Variants in SFRP1 observed in about 807,000 individuals in gnomAD.
The protein encoded by SFRP1 is secreted frizzled related protein 1.
A neutral mutation model predicts 25.9 loss-of-function variants in SFRP1; 9 were observed. That is an observed-to-expected ratio of 0.35 (90% CI 0.21 to 0.61). SFRP1 has a LOEUF of 0.61. SFRP1 is among the 20% of genes least tolerant of loss of function. The pLI, the probability that SFRP1 is intolerant of heterozygous loss-of-function variation, is 0.78. For synonymous variants in SFRP1, 178 were observed against 174.0 expected (o/e 1.02, Z -0.18); for missense variants, 346 against 418.2 (o/e 0.83, Z 1.51).
chr8:41,297,595 A>C (rs1490991363), intron 2 of SFRP1, among the ~76,000 whole-genome samples: 1 of 152,168 alleles, frequency 6.6e-6, no homozygotes, highest in Non-Finnish European at 1.5e-5. Context: ...AACTGTCCAC[A>C]CTTGATTAAA....
intron 2 of SFRP1, among the ~76,000 whole-genome samples, chr8:41,281,172 C>T (rs756401255): frequency 6.6e-6 from 1 of 152,204 alleles, no homozygotes; most frequent in Non-Finnish European, 1.5e-5. Context: ...CCTTCCACTC[C>T]GTGCAGGGAG....
chr8:41,271,544 G>T, intron 2 of SFRP1: 1 of 178,544 alleles, frequency 5.6e-6, no homozygotes, highest in African/African-American at 2.3e-5. Flanking sequence ...GTATGCAGAG[G>T]AGGTAGGCTT....
At chr8:41,295,890 A>G (rs1350916656) in intron 2 of SFRP1, among the ~76,000 whole-genome samples, 1 of 152,190 alleles carries the variant, frequency 6.6e-6, no homozygotes, top group Non-Finnish European at 1.5e-5. Context: ...TCTATTTTCA[A>G]AGAAACCTAA....
At chr8:41,266,332 A>G (rs935963837) in intron 2 of SFRP1, among the ~76,000 whole-genome samples, 1 of 152,170 alleles carries the variant, frequency 6.6e-6, no homozygotes, top group Non-Finnish European at 1.5e-5. Context: ...GTTATCATGC[A>G]CTGCTTTAAG....
intron 2 of SFRP1, among the ~76,000 whole-genome samples, chr8:41,295,697 C>T (rs1803835803): frequency 6.6e-6 from 1 of 152,160 alleles, no homozygotes; most frequent in African/African-American, 2.4e-5. Flanking sequence ...GGGTCTCTCA[C>T]AGCCACCCAC....
At chr8:41,298,392 G>A (rs1563366153) in intron 2 of SFRP1, 1 of 147,580 alleles carries the variant, frequency 6.8e-6, no homozygotes, top group Non-Finnish European at 1.5e-5. Flanking sequence ...AGTGTTTCAG[G>A]TGGTAGATAT....
intron 1 of SFRP1, chr8:41,306,592 G>T: frequency 1.8e-6 from 2 of 1,090,488 alleles, no homozygotes; most frequent in Non-Finnish European, 2.6e-6. Flanking sequence ...GGAGGGTGGT[G>T]TGCCATCTCA....
chr8:41,298,604 C>G (rs1469477273), intron 2 of SFRP1, among the ~76,000 whole-genome samples: 2 of 152,106 alleles, frequency 1.3e-5, no homozygotes, highest in African/African-American at 4.8e-5. Context: ...TGGGGTTTCA[C>G]TATGTTGCCT....
In SFRP1 at chr8:41,289,128, A is replaced by G. The variant is rs74763968; in HGVS notation, c.622+14333T>C. The stretch of plus-strand genomic sequence containing the variant: ...ACATAGCGACTTCTCTTCCCCATGC[A>G]CCCAAGGTGAAGGCCAGTGTTCCCA... On this transcript the variant is annotated intron_variant, in intron 2 of 2. Coordinates refer to ENST00000220772, the MANE Select transcript of SFRP1 (RefSeq NM_003012.5). 9.9e-4 allele frequency among the ~76,000 whole-genome samples: 150 copies of G among 152,236 alleles called. 3 individuals are homozygous for G. The East Asian group carries it at 0.028, about 28-fold the overall frequency.
rs186063821 is a variant in SFRP1 at position 41,295,159 on chromosome 8, A to G, written c.622+8302T>C. 8.9e-3 allele frequency among the ~76,000 whole-genome samples: 1,358 copies of G among 152,226 alleles called. 14 individuals carry two copies. The highest frequency in any genetic ancestry group is 0.021 in the Admixed American group (325 of 15,292). On this transcript the variant is annotated intron_variant, in intron 2 of 2. Transcript: ENST00000220772. ...GGGCAGATCACGAGGTCAGGAGTTC[A>G]AGACCAGCCTGGCCAACATGGTGAA...
In SFRP1 at chr8:41,309,341, T is replaced by G; in HGVS notation, c.-182A>C. On this transcript the variant is annotated 5_prime_UTR_variant, in exon 1 of 3. Transcript: ENST00000220772. ...GCCAGTGGCGGCCCTCGGCCTGCGG[T>G]CGGAGGCGGCGCGGGCGGGGAGGCG... 1.7e-6 allele frequency: 1 copy of G among 591,296 alleles called. No homozygotes were observed. The allele number at this position is 591,296 out of a possible 1,614,324, so 36.6% of individuals were successfully genotyped here.
At chr8:41,272,508 G>T (rs922445716) in intron 2 of SFRP1, among the ~76,000 whole-genome samples, 22 of 152,180 alleles carry the variant, frequency 1.4e-4, no homozygotes, top group Non-Finnish European at 2.8e-4. Flanking sequence ...AATTGGGAGG[G>T]TGAGGTAGGA....
At chr8:41,275,239 C>G (rs1250109564) in intron 2 of SFRP1, 1 of 444,504 alleles carries the variant, frequency 2.2e-6, no homozygotes, top group Admixed American at 2.5e-5. Flanking sequence ...ACAGCAGTTC[C>G]TCCAGTAGGA....
rs779866796 is a variant in SFRP1, at chr8:41,309,085, AAGCGCCGCGCCCAGCGCCAGC to A, written c.54_74del (p.Leu21_Ala27del). 2.5e-6 allele frequency: 4 copies of A among 1,589,464 alleles called. No individual in the cohort carries two copies. Among genetic ancestry groups the A allele is most frequent in the Non-Finnish European group, 3.4e-6 (4 of 1,175,108 alleles). The stretch of plus-strand genomic sequence containing the variant: ...ACTCGCTGGCCGAGCCCACGGCCAG[AAGCGCCGCGCCCAGCGCCAGC>A]AGCACGCCCAGGGCTGCCCCGCGGC... On this transcript the variant is annotated inframe_deletion, in exon 1 of 3. Coordinates refer to ENST00000220772, the MANE Select transcript of SFRP1 (RefSeq NM_003012.5).
intron 2 of SFRP1, among the ~76,000 whole-genome samples, chr8:41,289,277 T>TTCAACTCGCTTA (rs1803746657): frequency 6.6e-6 from 1 of 152,184 alleles, no homozygotes; most frequent in Non-Finnish European, 1.5e-5. Flanking sequence ...ACAGATCACC[T>TTCAACTCGCTTA]ATGGTGACCC....
intron 2 of SFRP1, among the ~76,000 whole-genome samples, chr8:41,285,603 A>AG (rs1329930283): frequency 3.3e-5 from 5 of 152,180 alleles, no homozygotes; most frequent in African/African-American, 1.2e-4. Flanking sequence ...AGGGACCCTG[A>AG]GGCCAGCCCA....
intron 2 of SFRP1, among the ~76,000 whole-genome samples, chr8:41,269,243 C>T (rs940478260): frequency 4.6e-5 from 7 of 152,184 alleles, no homozygotes; most frequent in Admixed American, 3.9e-4. Flanking sequence ...AATCTAAAAC[C>T]AAACAAAAAA....
intron 2 of SFRP1, among the ~76,000 whole-genome samples, chr8:41,287,002 G>A (rs1000277666): frequency 2.0e-5 from 3 of 152,218 alleles, no homozygotes; most frequent in African/African-American, 7.2e-5. Context: ...TCCAGGTATC[G>A]CAGCTAAGAG....
chr8:41,306,510 C>T (rs575439893), intron 1 of SFRP1, among the ~76,000 whole-genome samples: 3 of 152,146 alleles, frequency 2.0e-5, no homozygotes, highest in Non-Finnish European at 4.4e-5. Context: ...CACACACGCC[C>T]CACCCTCCCC....
Sources: allele counts gnomAD v4.1 joint callset (sites outside exome capture counted in the v4.1 genomes callset), GRCh38; gene constraint gnomAD v4.1.1; transcripts MANE v1.5; gene names NCBI Gene and HGNC (gene_info 2026-07-23, HGNC 2026-07-21).